The following YLPM1 variants were observed in gnomAD, a reference collection of about 807,000 sequenced individuals.
YLPM1 encodes YLP motif-containing protein 1.
YLPM1 carries 99 observed loss-of-function variants against 230.0 expected under a neutral mutation model. The observed-to-expected ratio is 0.43, with a 90% CI of 0.37 to 0.51. The LOEUF (loss-of-function observed/expected upper bound fraction) is 0.51, where lower values mean the gene tolerates loss of function less well. YLPM1 is among the 20% of genes least tolerant of loss of function. The probability of loss-of-function intolerance (pLI) is 0.00; values close to 1 mark genes in which losing one functional copy is unlikely to be tolerated. For synonymous variants in YLPM1, 984 were observed against 942.5 expected, an observed-to-expected ratio of 1.04 and a Z score of -0.81; for missense variants, 2,592 against 2,707.7, an observed-to-expected ratio of 0.96 and a Z score of 0.95.
intron 4 of YLPM1, among the ~76,000 whole-genome samples, chr14:74,797,358 AT>A (rs2091274749): frequency 6.6e-6 from 1 of 151,866 alleles, no homozygotes; most frequent in African/African-American, 2.4e-5. Context: ...AGTAAGTTAG[AT>A]AATACTGACA....
intron 2 of YLPM1, 134 bp downstream of exon 2, chr14:74,778,817 G>A (rs948952447): frequency 1.5e-6 from 1 of 683,244 alleles, no homozygotes; most frequent in African/African-American, 1.8e-5. Context: ...TGTGAAATCA[G>A]ATGTCTGTTG....
intron 5 of YLPM1, among the ~76,000 whole-genome samples, chr14:74,800,875 G>GT (rs2091317921): frequency 6.6e-6 from 1 of 152,138 alleles, no homozygotes. Flanking sequence ...TGTATATTAT[G>GT]TCAGTCTGTC....
At chr14:74,822,087 G>A (rs2091526056) in intron 17 of YLPM1, 1 of 152,158 alleles carries the variant, frequency 6.6e-6, no homozygotes, top group South Asian at 2.1e-4. Flanking sequence ...GATTTCAAAT[G>A]TGGATTAAAA....
intron 18 of YLPM1, among the ~76,000 whole-genome samples, chr14:74,824,719 G>A (rs892322486): frequency 1.3e-4 from 19 of 151,864 alleles, no homozygotes; most frequent in Non-Finnish European, 1.3e-4. Context: ...TAATTAAAAG[G>A]CATTTATTCT....
chr14:74,767,351 A>G (rs2090922087), intron 1 of YLPM1, among the ~76,000 whole-genome samples: 1 of 152,198 alleles, frequency 6.6e-6, no homozygotes, highest in Non-Finnish European at 1.5e-5. Flanking sequence ...TTGACTCAAC[A>G]GTGTTGTTGT....
intron 19 of YLPM1, among the ~76,000 whole-genome samples, chr14:74,830,549 TC>T (rs2091601112): frequency 1.3e-5 from 2 of 152,298 alleles, no homozygotes; most frequent in East Asian, 3.9e-4. Context: ...ATTTAACTAG[TC>T]CCTTTGTGTT....
intron 5 of YLPM1, among the ~76,000 whole-genome samples, chr14:74,800,691 T>G (rs966511125): frequency 4.6e-5 from 7 of 152,226 alleles, no homozygotes; most frequent in Non-Finnish European, 1.0e-4. Flanking sequence ...AAAGACCAGA[T>G]ACGGCAGGTT....
At position 74,763,601 on chromosome 14, in the gene YLPM1, A is replaced by T. The variant is rs369623745; in HGVS notation, c.112A>T (p.Ser38Cys). 3 of 1,590,598 alleles carry T rather than the reference A, an allele frequency of 1.9e-6. No individual in the cohort carries two copies. Among genetic ancestry groups the T allele is most frequent in the Non-Finnish European group, 1.7e-6 (2 of 1,167,606 alleles). The change falls in exon 1 of 21, where the codon AGC (serine) becomes TGC (cysteine). Residue 38 changes from serine to cysteine, a missense_variant. By Grantham distance (112) the Ser-to-Cys change is moderately radical. Coordinates refer to ENST00000325680, the MANE Select transcript of YLPM1 (RefSeq NM_019589.3). ...PEASPGPGYS[S>C]STTPAAPSSS... Reference sequence around the variant, plus strand: ...GGCCTCGCCGGGGCCCGGGTACTCGAGCTCGACGACTCCCGCGGCCCCCTC... The same window carrying T: ...GGCCTCGCCGGGGCCCGGGTACTCGTGCTCGACGACTCCCGCGGCCCCCTC...
intron 5 of YLPM1, among the ~76,000 whole-genome samples, chr14:74,801,574 A>G (rs2091325616): frequency 6.6e-6 from 1 of 152,226 alleles, no homozygotes; most frequent in Non-Finnish European, 1.5e-5. Flanking sequence ...AGTTGTTCTC[A>G]CCATCTACAG....
At position 74,764,359 on chromosome 14, in the gene YLPM1, A is replaced by G. The variant is rs1291859654; in HGVS notation, c.870A>G (p.Pro290=). 2 of 1,604,366 alleles carry G rather than the reference A, an allele frequency of 1.2e-6. No individual in the cohort carries two copies. The highest frequency in any genetic ancestry group is 2.7e-5 in the African/African-American group (2 of 74,662). Residue 290 remains proline, a synonymous_variant, in exon 1 of 21, where the codon CCA becomes CCG. Transcript: ENST00000325680. ...APEPDPSTMT[P]QEQQQYWYRQ... ...AGCCAGATCCCTCTACGATGACTCC[A>G]CAGGTAAGAAAGCATCTGCCTGAAC...
chr14:74,821,029 T>G, intron 16 of YLPM1, 28 bp from the exon 17 acceptor site: 1 of 659,312 alleles, frequency 1.5e-6, no homozygotes, highest in Non-Finnish European at 2.1e-6. Context: ...AACTCAGTCT[T>G]TTTTTTTTTT....
At position 74,763,731 on chromosome 14, in the gene YLPM1, T is replaced by G; in HGVS notation, c.242T>G (p.Leu81Arg). 6.6e-7 allele frequency: 1 copy of G among 1,516,738 alleles called. No individual in the cohort carries two copies. Among genetic ancestry groups the G allele is most frequent in the Non-Finnish European group, 8.8e-7 (1 of 1,131,368 alleles). The allele number at this position is 1,516,738 out of a possible 1,614,324, so 94.0% of individuals were successfully genotyped here. Residue 81 changes from leucine to arginine, a missense_variant, in exon 1 of 21, where the codon CTT (leucine) becomes CGT (arginine). This residue lies in a region of YLPM1 where 1,862 missense variants were observed against 1,819.8 expected (regional missense o/e 1.02). Transcript: ENST00000325680. ...CAGTGCGTGCTTCAGCCCCACCACC[T>G]TCCTCCGCCCCCTCTGCCGCCCCCG... ...QMQCVLQPHH[L>R]PPPPLPPPPV...
chr14:74,781,205 T>C (rs1307700969), intron 3 of YLPM1, 129 bp from the exon 4 acceptor site: 1 of 1,040,402 alleles, frequency 9.6e-7, no homozygotes, highest in Non-Finnish European at 1.3e-6. Flanking sequence ...AACTTATTCT[T>C]AGCCTCCCAA....
intron 6 of YLPM1, among the ~76,000 whole-genome samples, chr14:74,806,579 G>C (rs529758407): frequency 6.6e-6 from 1 of 152,144 alleles, no homozygotes; most frequent in South Asian, 2.1e-4. Flanking sequence ...GTGAGACTCT[G>C]TCTCAAAAAA....
intron 1 of YLPM1, among the ~76,000 whole-genome samples, chr14:74,769,589 T>A (rs983295839): frequency 6.6e-6 from 1 of 150,764 alleles, no homozygotes; most frequent in Non-Finnish European, 1.5e-5. Context: ...GCCCGGCCAT[T>A]TTTTTTTGTA....
chr14:74,774,268 T>C (rs1300463219), intron 1 of YLPM1, among the ~76,000 whole-genome samples: 1 of 152,174 alleles, frequency 6.6e-6, no homozygotes, highest in Non-Finnish European at 1.5e-5. Flanking sequence ...TGTTTTGTTT[T>C]CTTTGAGATG....
chr14:74,764,124 C>T lies in YLPM1; in HGVS notation c.635C>T (p.Ser212Phe), dbSNP rs2090884585. 6.2e-7 allele frequency: 1 copy of T among 1,613,524 alleles called. No homozygotes were observed. The highest frequency in any genetic ancestry group is 1.3e-5 in the African/African-American group (1 of 74,784). Residue 212 changes from serine to phenylalanine, a missense_variant, in exon 1 of 21, where the codon TCT becomes TTT. Ser to Phe is a radical substitution (Grantham distance 155, BLOSUM62 -2). Transcript: ENST00000325680. ...APTPSYSSSS[S>F]SSQSYLSHSQ... ...ACCCCTTCTTACTCATCCTCCTCCT[C>T]TTCCTCGCAATCCTATTTGAGCCAT... is the stretch of plus-strand genomic sequence containing the variant.
At chr14:74,814,056 A>G (rs1363959676) in intron 11 of YLPM1, among the ~76,000 whole-genome samples, 1 of 152,198 alleles carries the variant, frequency 6.6e-6, no homozygotes, top group African/African-American at 2.4e-5. Flanking sequence ...AAAAAATACA[A>G]TCTTTTACCA....
intron 1 of YLPM1, among the ~76,000 whole-genome samples, chr14:74,777,896 GC>G (rs2091057696): frequency 6.6e-6 from 1 of 151,916 alleles, no homozygotes; most frequent in Non-Finnish European, 1.5e-5. Context: ...GATTGCTTGA[GC>G]CTGGGAGGTT....
Sources: gnomAD v4.1 joint callset for allele counts (sites outside exome capture counted in the v4.1 genomes callset) on GRCh38, gnomAD v4.1.1 for gene constraint, gnomAD v4.1.1 regional missense constraint, MANE v1.5 for transcripts, NCBI Gene and HGNC (gene_info 2026-07-23, HGNC 2026-07-21) for gene names.